The following MAGI3 variants were observed in gnomAD, a reference collection of about 807,000 sequenced individuals.
MAGI3 encodes the protein membrane associated guanylate kinase, WW and PDZ domain containing 3.
In MAGI3, 43 loss-of-function variants were observed where a neutral mutation model predicts 121.8. That is an observed-to-expected ratio of 0.35 (90% CI 0.28 to 0.46). The LOEUF is 0.46. Ranked by LOEUF, MAGI3 falls within the 20% of genes least tolerant of loss-of-function variation. The probability of loss-of-function intolerance (pLI) is 1.00; values close to 1 mark genes in which losing one functional copy is unlikely to be tolerated. For synonymous variants in MAGI3, 553 were observed against 639.3 expected, an observed-to-expected ratio of 0.86 and a Z score of 2.04; for missense variants, 1,547 against 1,797.3, an observed-to-expected ratio of 0.86 and a Z score of 2.52.
At chr1:113,550,060 G>A (rs186253722) in intron 2 of MAGI3, among the ~76,000 whole-genome samples, 62 of 150,100 alleles carry the variant, frequency 4.1e-4, no homozygotes, top group South Asian at 2.5e-3. Context: ...AGGTTGCAGT[G>A]AGCCGAGATC....
chr1:113,641,032 A>ATATATGATATATAATATATAT, intron 9 of MAGI3, among the ~76,000 whole-genome samples: 1 of 10,536 alleles, frequency 9.5e-5, no homozygotes, highest in Non-Finnish European at 2.5e-4. Flanking sequence ...AATATATATG[A>ATATATGATATATAATATATAT]TATATATAAT....
intron 8 of MAGI3, among the ~76,000 whole-genome samples, chr1:113,620,641 C>T (rs11589796): frequency 6.6e-6 from 1 of 152,280 alleles, no homozygotes; most frequent in South Asian, 2.1e-4. Context: ...CAGTGCTTTG[C>T]TAGGCTCTAG....
intron 16 of MAGI3, 100 bp from the exon 17 acceptor site, chr1:113,671,634 C>A: frequency 1.9e-6 from 2 of 1,059,842 alleles, no homozygotes; most frequent in Non-Finnish European, 2.8e-6. Context: ...AAAGTCAGTA[C>A]AGCAATAGCC....
intron 1 of MAGI3, among the ~76,000 whole-genome samples, chr1:113,475,455 T>A (rs2101549652): frequency 6.6e-6 from 1 of 152,326 alleles, no homozygotes; most frequent in Middle Eastern, 3.4e-3. Context: ...GAAGGGCTGT[T>A]GAATTTTGTC....
intron 1 of MAGI3, among the ~76,000 whole-genome samples, chr1:113,515,194 A>G (rs1657829448): frequency 6.6e-6 from 1 of 152,118 alleles, no homozygotes. Flanking sequence ...CACGGCAGCA[A>G]ACTTCCAAAG....
At chr1:113,494,569 TC>T (rs1468272537) in intron 1 of MAGI3, among the ~76,000 whole-genome samples, 14 of 152,180 alleles carry the variant, frequency 9.2e-5, no homozygotes, top group Non-Finnish European at 1.9e-4. Context: ...TAGTAACAGT[TC>T]CCACATGCTA....
At chr1:113,680,670 T>C (rs1160441409) in intron 19 of MAGI3, among the ~76,000 whole-genome samples, 1 of 152,094 alleles carries the variant, frequency 6.6e-6, no homozygotes, top group African/African-American at 2.4e-5. Context: ...GGTAGTAGAA[T>C]GGCGTGAACC....
chr1:113,460,356 C>T (rs867319191), intron 1 of MAGI3, among the ~76,000 whole-genome samples: 3 of 152,108 alleles, frequency 2.0e-5, no homozygotes, highest in East Asian at 1.9e-4. Context: ...CCTTGAAAAC[C>T]GGCATGAGAC....
rs982747581 is a variant in MAGI3, at chr1:113,401,940, G to T, written c.316+10591G>T. ...ATTGTTGGAACCTCTTATTCTTTAA[G>T]TGTTTACGCTGTTATGTTTTCTCTC... On this transcript the variant is annotated intron_variant, in intron 1 of 20. Transcript: ENST00000307546. Among the ~76,000 whole-genome samples the T allele has an allele frequency of 2.6e-5, 4 of 152,134 alleles. No individual in the cohort carries two copies. In the East Asian group the frequency reaches 7.7e-4, roughly 29 times the overall value.
intron 11 of MAGI3, among the ~76,000 whole-genome samples, chr1:113,644,320 G>T (rs979227536): frequency 6.6e-6 from 1 of 151,186 alleles, no homozygotes; most frequent in African/African-American, 2.4e-5. Context: ...TTGCTCTGTC[G>T]CCCAGGCTGG....
At chr1:113,537,895 G>T (rs1021020716) in intron 1 of MAGI3, among the ~76,000 whole-genome samples, 1 of 152,110 alleles carries the variant, frequency 6.6e-6, no homozygotes, top group Non-Finnish European at 1.5e-5. Flanking sequence ...ATTAAAGAGA[G>T]ATTAGAAATG....
chr1:113,405,301 C>T (rs1418607), intron 1 of MAGI3, among the ~76,000 whole-genome samples: 23,083 of 151,422 alleles, frequency 0.15, 2,793 homozygotes, highest in East Asian at 0.63. Context: ...ATGGCGGAAC[C>T]CCATCTCTAC....
At chr1:113,405,219 C>T (rs1257259542) in intron 1 of MAGI3, among the ~76,000 whole-genome samples, 1 of 151,950 alleles carries the variant, frequency 6.6e-6, no homozygotes, top group Non-Finnish European at 1.5e-5. Flanking sequence ...GTGGCTCACG[C>T]CTGAAATCAC....
chr1:113,613,853 C>T (rs926126585), intron 6 of MAGI3, among the ~76,000 whole-genome samples: 5 of 152,118 alleles, frequency 3.3e-5, no homozygotes, highest in Non-Finnish European at 5.9e-5. Context: ...GGAAAAGATT[C>T]ACATTCACAT....
intron 6 of MAGI3, among the ~76,000 whole-genome samples, chr1:113,603,266 T>C (rs760950525): frequency 6.6e-6 from 1 of 152,072 alleles, no homozygotes; most frequent in Non-Finnish European, 1.5e-5. Context: ...CATGGAAACA[T>C]ACAACCCTCC....
intron 16 of MAGI3, 56 bp from the exon 17 acceptor site, chr1:113,671,678 G>C: frequency 1.3e-6 from 2 of 1,532,088 alleles, no homozygotes; most frequent in Non-Finnish European, 1.8e-6. Context: ...AGATCCGCTT[G>C]GCCTTCACAT....
chr1:113,555,873 C>A (rs1449323835), intron 2 of MAGI3, among the ~76,000 whole-genome samples: 1 of 151,714 alleles, frequency 6.6e-6, no homozygotes, highest in Non-Finnish European at 1.5e-5. Context: ...AGGAATGAGA[C>A]CCTGTCTCTT....
intron 1 of MAGI3, among the ~76,000 whole-genome samples, chr1:113,410,381 A>G (rs145295264): frequency 6.6e-6 from 1 of 152,052 alleles, no homozygotes; most frequent in African/African-American, 2.4e-5. Flanking sequence ...AAAAATTGCT[A>G]CTAACCATTT....
chr1:113,505,896 G>A (rs149202053), intron 1 of MAGI3, among the ~76,000 whole-genome samples: 3 of 152,272 alleles, frequency 2.0e-5, no homozygotes, highest in African/African-American at 7.2e-5. Flanking sequence ...GCCTGATCTT[G>A]TAGGGCGTTG....
Sources: gnomAD v4.1 joint callset for allele counts (sites outside exome capture counted in the v4.1 genomes callset) on GRCh38, gnomAD v4.1.1 for gene constraint, MANE v1.5 for transcripts, NCBI Gene and HGNC (gene_info 2026-07-23, HGNC 2026-07-21) for gene names.